The following GKN1 variants were observed in gnomAD, a reference collection of about 807,000 sequenced individuals.
GKN1 encodes the protein gastrokine 1, also known as gastrokine-1.
A neutral mutation model predicts 19.7 loss-of-function variants in GKN1; 17 were observed. The observed-to-expected ratio is 0.86, with a 90% CI of 0.59 to 1.29. The LOEUF is 1.29. GKN1 is among the 50% of genes most tolerant of loss of function. The probability of loss-of-function intolerance (pLI) is 0.00; values close to 1 mark genes in which losing one functional copy is unlikely to be tolerated. For synonymous variants in GKN1, 96 were observed against 78.3 expected (o/e 1.23, Z -1.20); for missense variants, 218 against 224.5 (o/e 0.97, Z 0.19).
At chr2:68,977,238 G>A (rs1263488547) in intron 1 of GKN1, among the ~76,000 whole-genome samples, 7 of 151,950 alleles carry the variant, frequency 4.6e-5, no homozygotes, top group South Asian at 2.1e-4. Flanking sequence ...TTTTTCCAGC[G>A]TTTCATAAGG....
At chr2:68,979,369 TAATATATCCTATGC>T (rs755770164) in intron 4 of GKN1, among the ~76,000 whole-genome samples, 1 of 152,232 alleles carries the variant, frequency 6.6e-6, no homozygotes, top group Non-Finnish European at 1.5e-5. Context: ...CTTTTTAGTA[TAATATATCCTATGC>T]AATATTTGGG....
intron 3 of GKN1, chr2:68,977,986 A>C: frequency 1.8e-6 from 1 of 555,816 alleles, no homozygotes; most frequent in African/African-American, 1.9e-5. Flanking sequence ...TTAAAATTCA[A>C]ACCAACAAAC....
At position 68,980,881 on chromosome 2, in the gene GKN1, A is replaced by G. The variant is rs1420548513; in HGVS notation, c.*58A>G. The G allele has an allele frequency of 2.4e-6, 2 of 846,400 alleles. No homozygotes were observed. Among genetic ancestry groups the G allele is most frequent in the East Asian group, 2.4e-5 (1 of 41,368 alleles). The allele number at this position is 846,400 out of a possible 1,614,324, so 52.4% of individuals were successfully genotyped here. On this transcript the variant is annotated 3_prime_UTR_variant, in exon 6 of 6. Coordinates refer to ENST00000377938, the MANE Select transcript of GKN1 (RefSeq NM_019617.4). The stretch of plus-strand genomic sequence containing the variant: ...TCTGAATATGCTGTGCAGAAAAAAT[A>G]TGGGCTCCAGTGGTTTTTACCATGT...
Position 68,977,710 on chromosome 2 carries a change from A to G in GKN1, c.140A>G (p.Asn47Ser), listed in dbSNP as rs1670284985. 3.1e-6 allele frequency: 5 copies of G among 1,604,182 alleles called. No individual in the cohort carries two copies. The highest frequency in any genetic ancestry group is 4.3e-6 in the Non-Finnish European group (5 of 1,170,912). ...QQSVSVNNEH[N>S]VANVDNNNGW... Reference sequence around the variant, plus strand: ...TCAGTGAGTGTCAACAATGAACACAATGTGGCCAATGTTGACAATAACAAC... The same window carrying G: ...TCAGTGAGTGTCAACAATGAACACAGTGTGGCCAATGTTGACAATAACAAC... Residue 47 changes from asparagine (N) to serine (S), a missense_variant, in exon 3 of 6, where the codon AAT (asparagine) becomes AGT (serine). Physicochemically the swap from Asn to Ser is conservative, Grantham distance 46. Transcript: ENST00000377938.
intron 1 of GKN1, among the ~76,000 whole-genome samples, chr2:68,975,336 G>T (rs1670240079): frequency 1.3e-5 from 2 of 152,162 alleles, no homozygotes; most frequent in South Asian, 4.1e-4. Flanking sequence ...AAGAAAGAAA[G>T]ATTTGCCTTG....
intron 2 of GKN1, 40 bp from the exon 3 acceptor site, chr2:68,977,597 A>G (rs375676817): frequency 6.2e-7 from 1 of 1,602,964 alleles, no homozygotes; most frequent in Non-Finnish European, 8.5e-7. Flanking sequence ...TTGCAAGGAA[A>G]TGTGATATTA....
chr2:68,978,335 G>T (rs1161349837), intron 3 of GKN1, among the ~76,000 whole-genome samples: 1 of 150,018 alleles, frequency 6.7e-6, no homozygotes, highest in South Asian at 2.1e-4. Context: ...GAGAAAGAGA[G>T]AAGGAAAGAA....
intron 1 of GKN1, 143 bp downstream of exon 1, chr2:68,974,832 G>T: frequency 3.1e-6 from 2 of 646,238 alleles, no homozygotes; most frequent in Non-Finnish European, 2.9e-6. Flanking sequence ...TGGACACAGA[G>T]AGGGGAACAA....
chr2:68,977,585 A>T (rs1446316738), intron 2 of GKN1, 37 bp downstream of exon 2: 4 of 1,604,372 alleles, frequency 2.5e-6, no homozygotes, highest in Middle Eastern at 3.3e-4. Context: ...ACCAAAATGC[A>T]TTTGCAAGGA....
In GKN1 at chr2:68,980,801, G is replaced by A; in HGVS notation, c.536G>A (p.Cys179Tyr). ...CTATGGATTGTGGACATTTCCTTCT[G>A]TGGAGACACGGTGGAGAACTAAACA... ...SVLWIVDISF[C>Y]GDTVEN The change falls in exon 6 of 6, where the codon TGT becomes TAT. Residue 179 changes from cysteine to tyrosine, a missense_variant. By Grantham distance (194) the Cys-to-Tyr change is radical. Transcript: ENST00000377938. 6.4e-7 allele frequency: 1 copy of A among 1,569,782 alleles called. No individual in the cohort carries two copies. The highest frequency in any genetic ancestry group is 2.2e-5 in the East Asian group (1 of 44,686).
chr2:68,979,219 G>A (rs1259239181), intron 4 of GKN1, among the ~76,000 whole-genome samples: 1 of 152,212 alleles, frequency 6.6e-6, no homozygotes, highest in East Asian at 1.9e-4. Flanking sequence ...TGTTAGAGGA[G>A]CAAAGCTCTG....
rs1476106803 is a variant in GKN1, at chr2:68,978,319, AAAAGAGAG to A, written c.205-541_205-534del. 3.6e-5 allele frequency among the ~76,000 whole-genome samples: 5 copies of A among 140,232 alleles called. 1 individual carries two copies. Among genetic ancestry groups the A allele is most frequent in the Non-Finnish European group, 6.0e-5 (4 of 66,350 alleles). 92.0% of individuals were successfully genotyped at this position (140,232 alleles called of 152,430 possible). The stretch of plus-strand genomic sequence containing the variant: ...AAGAGAGAGAAAGAAAGAAAAAGAA[AAAAGAGAG>A]AAAGAGAGAAGGAAAGAAAGAGAGA... On this transcript the variant is annotated intron_variant, in intron 3 of 5. Transcript: ENST00000377938.
At chr2:68,978,271 G>GGAAGGAAGGAAGGAAGGAAA (rs1670300286) in intron 3 of GKN1, among the ~76,000 whole-genome samples, 2 of 87,260 alleles carry the variant, frequency 2.3e-5, no homozygotes, top group East Asian at 4.3e-4. Context: ...AAGGAAGGAA[G>GGAAGGAAGGAAGGAAGGAAA]GAAAGAAAGA....
intron 3 of GKN1, chr2:68,978,150 C>G (rs1369693036): frequency 6.0e-6 from 1 of 167,952 alleles, no homozygotes; most frequent in Non-Finnish European, 1.3e-5. Context: ...GTTTTACGAC[C>G]TTCTAAAGAG....
At position 68,977,715 on chromosome 2, in the gene GKN1, G is replaced by T. The variant is rs867319188; in HGVS notation, c.145G>T (p.Ala49Ser). ...GAGTGTCAACAATGAACACAATGTG[G>T]CCAATGTTGACAATAACAACGGATG... ...SVSVNNEHNV[A>S]NVDNNNGWDS... Residue 49 changes from alanine (A) to serine (S), a missense_variant, in exon 3 of 6, where the codon GCC becomes TCC. Physicochemically the swap from Ala to Ser is moderately conservative, Grantham distance 99. Coordinates refer to ENST00000377938, the MANE Select transcript of GKN1 (RefSeq NM_019617.4). 6.2e-7 allele frequency: 1 copy of T among 1,607,652 alleles called. No individual in the cohort carries two copies. The highest frequency in any genetic ancestry group is 8.5e-7 in the Non-Finnish European group (1 of 1,174,122).
At chr2:68,980,348 G>T (rs1670341638) in intron 5 of GKN1, among the ~76,000 whole-genome samples, 2 of 152,226 alleles carry the variant, frequency 1.3e-5, no homozygotes, top group Admixed American at 6.5e-5. Flanking sequence ...CATTTTGGCT[G>T]TGGATTCTGT....
chr2:68,976,809 T>A (rs1670268436), intron 1 of GKN1, among the ~76,000 whole-genome samples: 1 of 152,180 alleles, frequency 6.6e-6, no homozygotes, highest in Admixed American at 6.5e-5. Flanking sequence ...AAAATAATCA[T>A]TTATAGCAAG....
At position 68,977,641 on chromosome 2, in the gene GKN1, T is replaced by C. The variant is rs747266601; in HGVS notation, c.71T>C (p.Ile24Thr). The C allele has an allele frequency of 6.2e-7, 1 of 1,610,990 alleles. No individual in the cohort carries two copies. The highest frequency in any genetic ancestry group is 8.5e-7 in the Non-Finnish European group (1 of 1,177,204). The change falls in exon 3 of 6, where the codon ATC (isoleucine) becomes ACC (threonine). Residue 24 changes from isoleucine (I) to threonine (T), a missense_variant. By Grantham distance (89) the Ile-to-Thr change is moderately conservative. Coordinates refer to ENST00000377938, the MANE Select transcript of GKN1 (RefSeq NM_019617.4). ...TCAATCTCTTATAAACTTCAGAATA[T>C]CAACGTCAATGATGACAACAACAAT... Reference protein sequence around the residue: ...FLAPALANYNINVNDDNNNAG... With the variant: ...FLAPALANYNTNVNDDNNNAG...
chr2:68,977,045 C>A (rs774735586), intron 1 of GKN1, among the ~76,000 whole-genome samples: 16 of 152,108 alleles, frequency 1.1e-4, no homozygotes, highest in Non-Finnish European at 1.8e-4. Context: ...GCAAAGTCAT[C>A]TTTATGATAC....
Sources: gnomAD v4.1 joint callset for allele counts (sites outside exome capture counted in the v4.1 genomes callset) on GRCh38, gnomAD v4.1.1 for gene constraint, MANE v1.5 for transcripts, NCBI Gene and HGNC (gene_info 2026-07-23, HGNC 2026-07-21) for gene names.